FHAD1: variants seen among roughly 807,000 people sequenced by gnomAD.
FHAD1 encodes forkhead-associated domain-containing protein 1.
Under a neutral mutation model 191.3 loss-of-function variants are expected in FHAD1, and 146 were observed. The ratio of observed to expected loss-of-function variants is 0.76; its 90% CI spans 0.67 to 0.88. The LOEUF is 0.88. Ranked by LOEUF, FHAD1 falls within the 40% of genes least tolerant of loss-of-function variation. The pLI is 0.00. For missense variants in FHAD1, 1,635 were observed against 1,785.8 expected (o/e 0.92, Z 1.52); for synonymous variants, 616 against 672.3 (o/e 0.92, Z 1.29).
At chr1:15,382,634 A>G (rs1701178718) in intron 31 of FHAD1, among the ~76,000 whole-genome samples, 1 of 152,194 alleles carries the variant, frequency 6.6e-6, no homozygotes, top group Admixed American at 6.5e-5. Context: ...ACTGAGGAGT[A>G]TACAGGTGGA....
At chr1:15,306,133 C>T (rs893929548) in intron 6 of FHAD1, among the ~76,000 whole-genome samples, 2 of 152,186 alleles carry the variant, frequency 1.3e-5, no homozygotes, top group Non-Finnish European at 2.9e-5. Flanking sequence ...AGATGAGGAA[C>T]TTGTTGGGAA....
chr1:15,328,257 CT>C lies in FHAD1; in HGVS notation c.1558-15del. On this transcript the variant is annotated intron_variant, in intron 12 of 33. Coordinates refer to ENST00000688493, the MANE Select transcript of FHAD1 (RefSeq NM_001391957.1). ...ATGTTACATCTTTTTTTTTTTTTTCCTTTTTCTTTTTCTCACCAGTTAATAG... is the reference window on the plus strand; with the variant it reads ...ATGTTACATCTTTTTTTTTTTTTTCCTTTTCTTTTTCTCACCAGTTAATAG... The C allele has an allele frequency of 2.6e-6, 3 of 1,169,120 alleles. No individual in the cohort carries two copies. The highest frequency in any genetic ancestry group is 4.0e-5 in the Admixed American group (1 of 25,062). 72.4% of individuals were successfully genotyped at this position (1,169,120 alleles called of 1,614,324 possible). A position where few individuals can be genotyped will look rare whatever the true frequency, so the allele number is the denominator to read the frequency against.
At chr1:15,388,687 G>A (rs1223370336) in intron 32 of FHAD1, among the ~76,000 whole-genome samples, 2 of 152,020 alleles carry the variant, frequency 1.3e-5, no homozygotes, top group Admixed American at 6.6e-5. Flanking sequence ...GTTTTACTCC[G>A]ACCTTCCTGG....
intron 20 of FHAD1, among the ~76,000 whole-genome samples, chr1:15,355,815 G>C (rs369985862): frequency 6.6e-6 from 1 of 152,008 alleles, no homozygotes; most frequent in Admixed American, 6.6e-5. Flanking sequence ...AGAGGATGCA[G>C]CAACTCCCAG....
Position 15,341,822 on chromosome 1 carries a change from C to A in FHAD1, c.2064C>A (p.Asn688Lys). ...REHLAEKEKL[N>K]EERLEQEEKL... is the part of the protein sequence containing the mutation. ...ATCTGGCAGAGAAGGAGAAGCTGAA[C>A]GAGGAGAGGCTAGAGCAAGAGGAGA... Residue 688 changes from asparagine to lysine, a missense_variant, in exon 16 of 34, where the codon AAC (asparagine) becomes AAA (lysine). Physicochemically the swap from Asn to Lys is moderately conservative, Grantham distance 94. Transcript: ENST00000688493. 5 of 1,551,738 alleles carry A rather than the reference C, an allele frequency of 3.2e-6. No individual in the cohort carries two copies. Among genetic ancestry groups the A allele is most frequent in the Non-Finnish European group, 4.4e-6 (5 of 1,146,956 alleles).
chr1:15,321,876 A>G (rs891449336), intron 10 of FHAD1, among the ~76,000 whole-genome samples: 3 of 152,228 alleles, frequency 2.0e-5, no homozygotes, highest in African/African-American at 7.2e-5. Context: ...TCCTTCATTC[A>G]TGAAACATAT....
intron 20 of FHAD1, among the ~76,000 whole-genome samples, chr1:15,353,451 T>A (rs2102501867): frequency 6.6e-6 from 1 of 152,052 alleles, no homozygotes; most frequent in African/African-American, 2.4e-5. Context: ...GCACATGTAA[T>A]CCCAGCATTT....
chr1:15,351,016 T>C (rs1690669373), intron 19 of FHAD1, among the ~76,000 whole-genome samples: 1 of 152,198 alleles, frequency 6.6e-6, no homozygotes. Flanking sequence ...AGCCAGGCAG[T>C]GTCTTGGGCT....
At chr1:15,369,248 A>T in intron 25 of FHAD1, 122 bp from the exon 26 acceptor site, 1 of 1,180,438 alleles carries the variant, frequency 8.5e-7, no homozygotes, top group African/African-American at 1.5e-5. Context: ...GGAACAGGAA[A>T]CAAGTCTCAA....
In FHAD1 at chr1:15,311,371, G is replaced by A. The variant is rs1175147881; in HGVS notation, c.1040-1686G>A. On this transcript the variant is annotated intron_variant, in intron 7 of 33. Coordinates refer to ENST00000688493, the MANE Select transcript of FHAD1 (RefSeq NM_001391957.1). This position sits in a 1 kb window ranked among gnomAD's most constrained non-coding sequence, Gnocchi z 4.1. ...CAGGAGGAGCAGAGGGAACCATCTC[G>A]AAGCCCACGTAGGCCTGAGAGTAGC... Among the ~76,000 whole-genome samples the A allele has an allele frequency of 6.6e-6, 1 of 152,154 alleles. No individual in the cohort carries two copies. Among genetic ancestry groups the A allele is most frequent in the African/African-American group, 2.4e-5 (1 of 41,444 alleles).
At chr1:15,247,688 C>T (rs1349733891) in intron 1 of FHAD1, among the ~76,000 whole-genome samples, 2 of 152,114 alleles carry the variant, frequency 1.3e-5, no homozygotes, top group Admixed American at 6.5e-5. Context: ...GAGGGGCATC[C>T]CTGCTGCCCC....
chr1:15,318,596 C>T lies in FHAD1; in HGVS notation c.1365+668C>T, dbSNP rs1157502211. ...TTGCAGCAAGCTGAGATCGTGCCAC[C>T]GCACTCCAGCCTGGGCGACAGAGCA... On this transcript the variant is annotated intron_variant, in intron 10 of 33. Transcript: ENST00000688493. This position sits in a 1 kb window ranked among gnomAD's most constrained non-coding sequence, Gnocchi z 4.1. Among the ~76,000 whole-genome samples, 9 of 151,442 alleles carry T rather than the reference C, an allele frequency of 5.9e-5. No individual in the cohort carries two copies. Among genetic ancestry groups the T allele is most frequent in the African/African-American group, 1.5e-4 (6 of 41,136 alleles).
At chr1:15,268,032 A>G (rs1045002857) in intron 2 of FHAD1, among the ~76,000 whole-genome samples, 24 of 150,816 alleles carry the variant, frequency 1.6e-4, no homozygotes, top group African/African-American at 5.8e-4. Context: ...TTTAGGGTAC[A>G]TGTGCACAAT....
upstream of FHAD1, among the ~76,000 whole-genome samples, chr1:15,245,151 C>A (rs747133828): frequency 1.3e-5 from 2 of 152,168 alleles, no homozygotes; most frequent in Non-Finnish European, 2.9e-5. Context: ...GGGATTCGCC[C>A]GCATGATCCA....
At chr1:15,258,711 G>C (rs1649547477) in intron 2 of FHAD1, among the ~76,000 whole-genome samples, 1 of 151,634 alleles carries the variant, frequency 6.6e-6, no homozygotes, top group South Asian at 2.1e-4. Context: ...TCAGCCTCCT[G>C]AGCAGCTGGG....
chr1:15,248,031 C>T (rs188726796), intron 1 of FHAD1, among the ~76,000 whole-genome samples: 2 of 151,392 alleles, frequency 1.3e-5, no homozygotes, highest in African/African-American at 4.9e-5. Context: ...GGGCCCAACC[C>T]ATTCAGCTAA....
chr1:15,255,954 G>A (rs956307841), intron 2 of FHAD1, among the ~76,000 whole-genome samples: 2 of 145,698 alleles, frequency 1.4e-5, no homozygotes, highest in Admixed American at 7.0e-5. Context: ...AGGCCTGCCT[G>A]TTGAAATGGG....
At chr1:15,330,876 T>C (rs74057306) in intron 14 of FHAD1, among the ~76,000 whole-genome samples, 5,296 of 152,132 alleles carry the variant, frequency 0.035, 353 homozygotes, top group African/African-American at 0.12. Flanking sequence ...GAGACAATCA[T>C]CTTGGTGGCA....
At chr1:15,360,146 T>C (rs1199559385) in intron 21 of FHAD1, among the ~76,000 whole-genome samples, 1 of 152,168 alleles carries the variant, frequency 6.6e-6, no homozygotes, top group Non-Finnish European at 1.5e-5. Context: ...AAAGTTTACA[T>C]TTCTAGCGGG....
Sources: gnomAD v4.1 joint callset for allele counts (sites outside exome capture counted in the v4.1 genomes callset) on GRCh38, gnomAD v4.1.1 for gene constraint, Gnocchi (gnomAD v3.1) non-coding constraint, MANE v1.5 for transcripts, NCBI Gene and HGNC (gene_info 2026-07-23, HGNC 2026-07-21) for gene names.